The following FRAS1 variants were observed in gnomAD, a reference collection of about 807,000 sequenced individuals.
FRAS1 encodes the protein Fraser extracellular matrix complex subunit 1.
In FRAS1, 290 loss-of-function variants were observed where a neutral mutation model predicts 435.2. That is an observed-to-expected ratio of 0.67 (90% CI 0.61 to 0.73). FRAS1 has a LOEUF of 0.73. Among genes scored for constraint, FRAS1 ranks in the 30% least tolerant of loss-of-function variants. The pLI is 0.00. For missense variants in FRAS1, 4,860 were observed against 5,001.5 expected (o/e 0.97, Z 0.85); for synonymous variants, 1,800 against 1,851.0 (o/e 0.97, Z 0.71).
intron 2 of FRAS1, among the ~76,000 whole-genome samples, chr4:78,220,491 C>T (rs1028595831): frequency 2.6e-5 from 4 of 152,098 alleles, no homozygotes; most frequent in Admixed American, 6.5e-5. Flanking sequence ...CCCACAATGT[C>T]GAGGTTGAGA....
chr4:78,331,440 G>A (rs1000116160), intron 18 of FRAS1, among the ~76,000 whole-genome samples: 1 of 152,164 alleles, frequency 6.6e-6, no homozygotes, highest in African/African-American at 2.4e-5. Flanking sequence ...AGCACTGGAA[G>A]GCTTAGGGCA....
At chr4:78,278,224 G>T (rs1727157629) in intron 9 of FRAS1, among the ~76,000 whole-genome samples, 1 of 152,196 alleles carries the variant, frequency 6.6e-6, no homozygotes, top group Non-Finnish European at 1.5e-5. Flanking sequence ...TACATACAGG[G>T]ATGCATCTGA....
intron 62 of FRAS1, among the ~76,000 whole-genome samples, chr4:78,508,503 A>G (rs1159591330): frequency 2.6e-5 from 4 of 152,218 alleles, no homozygotes; most frequent in African/African-American, 9.6e-5. Context: ...AATAAAACTA[A>G]AAGGATAATA....
intron 2 of FRAS1, among the ~76,000 whole-genome samples, chr4:78,154,490 A>T (rs970310605): frequency 6.6e-6 from 1 of 152,134 alleles, no homozygotes; most frequent in Non-Finnish European, 1.5e-5. Flanking sequence ...CCCACCACCC[A>T]CCTTTTAAAG....
chr4:78,248,421 C>A (rs1406121641), intron 4 of FRAS1, among the ~76,000 whole-genome samples: 1 of 152,046 alleles, frequency 6.6e-6, no homozygotes, highest in Non-Finnish European at 1.5e-5. Context: ...ACTAATCTAA[C>A]CTCAGCACCA....
chr4:78,210,227 G>C (rs1211802704), intron 2 of FRAS1, among the ~76,000 whole-genome samples: 1 of 152,090 alleles, frequency 6.6e-6, no homozygotes, highest in African/African-American at 2.4e-5. Flanking sequence ...TAGCTTCCAA[G>C]ACTTAATCTG....
intron 14 of FRAS1, among the ~76,000 whole-genome samples, chr4:78,290,697 G>T (rs752932684): frequency 6.6e-6 from 1 of 151,716 alleles, no homozygotes; most frequent in African/African-American, 2.4e-5. Context: ...TGATCTGCCC[G>T]CCTTGGCCTC....
intron 14 of FRAS1, among the ~76,000 whole-genome samples, chr4:78,306,950 A>C (rs1578241555): frequency 6.6e-6 from 1 of 152,132 alleles, no homozygotes; most frequent in African/African-American, 2.4e-5. Flanking sequence ...TCTGCTTTTT[A>C]GAGTTTCCAG....
At chr4:78,165,486 G>T in intron 2 of FRAS1, among the ~76,000 whole-genome samples, 1 of 152,262 alleles carries the variant, frequency 6.6e-6, no homozygotes, top group Admixed American at 6.5e-5. Flanking sequence ...ACTGCTCAAG[G>T]CTTCCACTTA....
Position 78,282,958 on chromosome 4 carries a change from T to G in FRAS1, c.1246T>G (p.Cys416Gly). The change falls in exon 12 of 74, where the codon TGC (cysteine) becomes GGC (glycine). Residue 416 changes from cysteine to glycine, a missense_variant. By Grantham distance (159) the Cys-to-Gly change is radical (BLOSUM62 -3). Transcript: ENST00000512123. ...LEVKGQCCPDCTSVHCHPDCL... is the reference protein window; with the variant it reads ...LEVKGQCCPDGTSVHCHPDCL... ...GGTGAAGGGACAGTGCTGTCCAGACTGCACATCAGGTGGGTCCATGTCTCC... is the reference window on the plus strand; with the variant it reads ...GGTGAAGGGACAGTGCTGTCCAGACGGCACATCAGGTGGGTCCATGTCTCC... 1 of 1,546,154 alleles carries G rather than the reference T, an allele frequency of 6.5e-7. No homozygotes were observed. Among genetic ancestry groups the G allele is most frequent in the East Asian group, 2.4e-5 (1 of 41,148 alleles).
rs1411721704 is a variant in FRAS1, at chr4:78,482,548, G to C, written c.8752+13G>C. The C allele has an allele frequency of 6.2e-7, 1 of 1,610,196 alleles. No homozygotes were observed. Among genetic ancestry groups the C allele is most frequent in the Non-Finnish European group, 8.5e-7 (1 of 1,178,824 alleles). ...ACATTCCAAGATGGTAAGAGATTGG[G>C]GATGCCAGCTGGTAGGTCCAAATAT... On this transcript the variant is annotated intron_variant, in intron 58 of 73. Coordinates refer to ENST00000512123, the MANE Select transcript of FRAS1 (RefSeq NM_025074.7).
chr4:78,473,573 C>T lies in FRAS1; in HGVS notation c.7658C>T (p.Ser2553Leu). ...VSDNVFHIQW[S>L]LISFKYTSYN... ...GACAATGTCTTCCATATCCAGTGGT[C>T]ACTCATCAGCTTTAAATATACCAGG... Residue 2553 changes from serine (S) to leucine (L), a missense_variant, in exon 53 of 74, where the codon TCA (serine) becomes TTA (leucine). Physicochemically the swap from Ser to Leu is moderately radical, Grantham distance 145. Coordinates refer to ENST00000512123, the MANE Select transcript of FRAS1 (RefSeq NM_025074.7). The T allele has an allele frequency of 3.1e-6, 5 of 1,607,304 alleles. No homozygotes were observed. The highest frequency in any genetic ancestry group is 4.2e-6 in the Non-Finnish European group (5 of 1,176,626).
rs1328604851 is a variant in FRAS1 at position 78,057,734 on chromosome 4, T to C, written c.-276T>C. 2 of 523,928 alleles carry C rather than the reference T, an allele frequency of 3.8e-6. No homozygotes were observed. The highest frequency in any genetic ancestry group is 3.2e-5 in the Admixed American group (1 of 31,280). 32.5% of individuals were successfully genotyped at this position (523,928 alleles called of 1,614,324 possible). On this transcript the variant is annotated 5_prime_UTR_variant, in exon 1 of 74. Coordinates refer to ENST00000512123, the MANE Select transcript of FRAS1 (RefSeq NM_025074.7). The surrounding 1 kb of genome is among the most constrained non-coding windows in gnomAD (Gnocchi z 4.2). The stretch of plus-strand genomic sequence containing the variant: ...GCGGAGAACTGTGCTCTGCCTCCTC[T>C]TATTCTCCCAAAGCTCACGTTGGCG...
intron 62 of FRAS1, among the ~76,000 whole-genome samples, chr4:78,508,220 T>C (rs1194278094): frequency 6.6e-6 from 1 of 152,192 alleles, no homozygotes; most frequent in East Asian, 1.9e-4. Flanking sequence ...TAACCCATAA[T>C]TGTGAAGCAA....
intron 59 of FRAS1, among the ~76,000 whole-genome samples, chr4:78,491,116 G>A (rs1378893695): frequency 6.6e-6 from 1 of 152,116 alleles, no homozygotes; most frequent in African/African-American, 2.4e-5. Context: ...GGAAGAATTT[G>A]AATCCCTGAA....
chr4:78,118,863 C>A (rs1718834046), intron 2 of FRAS1, among the ~76,000 whole-genome samples: 1 of 152,166 alleles, frequency 6.6e-6, no homozygotes, highest in African/African-American at 2.4e-5. Flanking sequence ...TGAGATGCAC[C>A]CAGTACCTCA....
At chr4:78,129,089 G>A (rs992444950) in intron 2 of FRAS1, among the ~76,000 whole-genome samples, 2 of 152,116 alleles carry the variant, frequency 1.3e-5, no homozygotes, top group Admixed American at 1.3e-4. Flanking sequence ...ATTTCTGAGG[G>A]CTCTGTTCTA....
chr4:78,509,096 C>T, intron 63 of FRAS1, 90 bp downstream of exon 63: 1 of 1,373,148 alleles, frequency 7.3e-7, no homozygotes, highest in Non-Finnish European at 1.0e-6. Flanking sequence ...TCCTTATGGT[C>T]CATGCATGGC....
In FRAS1 at chr4:78,466,394, G is replaced by A. The variant is rs1376432115; in HGVS notation, c.7216G>A (p.Gly2406Arg). ...CCGGTTCACCTTCACTGTTTCTGAT[G>A]GGACAAACCCCTTCTTTATCATTGA... Reference protein sequence around the residue: ...KDRFTFTVSDGTNPFFIIEEG... With the variant: ...KDRFTFTVSDRTNPFFIIEEG... The change falls in exon 50 of 74, where the codon GGG becomes AGG. Residue 2406 changes from glycine to arginine, a missense_variant. Gly to Arg is a moderately radical substitution (Grantham distance 125). Transcript: ENST00000512123. 5.6e-6 allele frequency: 9 copies of A among 1,613,784 alleles called. No individual in the cohort carries two copies. The highest frequency in any genetic ancestry group is 1.3e-5 in the African/African-American group (1 of 74,904).
Sources: allele counts gnomAD v4.1 joint callset (sites outside exome capture counted in the v4.1 genomes callset), GRCh38; gene constraint gnomAD v4.1.1; non-coding constraint Gnocchi (gnomAD v3.1); transcripts MANE v1.5; gene names NCBI Gene and HGNC (gene_info 2026-07-23, HGNC 2026-07-21).